Variants in NWD2 observed in about 807,000 individuals in gnomAD.
NWD2 encodes the protein NACHT and WD repeat domain containing 2, also known as NACHT and WD repeat domain-containing protein 2.
In NWD2, 37 loss-of-function variants were observed where a neutral mutation model predicts 132.7. The observed-to-expected ratio is 0.28, with a 90% CI of 0.21 to 0.37. NWD2 has a LOEUF of 0.37. Among genes scored for constraint, NWD2 ranks in the 10% least tolerant of loss-of-function variants. NWD2 has a pLI of 1.00. For synonymous variants in NWD2, 705 were observed against 803.0 expected, an observed-to-expected ratio of 0.88 and a Z score of 2.06; for missense variants, 1,592 against 2,122.4, an observed-to-expected ratio of 0.75 and a Z score of 4.91.
intron 3 of NWD2, among the ~76,000 whole-genome samples, chr4:37,393,201 G>GGT (rs1408997837): frequency 6.6e-6 from 1 of 150,826 alleles, no homozygotes; most frequent in Non-Finnish European, 1.5e-5. Context: ...GGGGTTGGGG[G>GGT]GAGACTCTGA....
In NWD2 at chr4:37,447,118, G is replaced by C; in HGVS notation, c.5130G>C (p.Glu1710Asp). The change falls in exon 7 of 7, where the codon GAG becomes GAC. Residue 1710 changes from glutamate (E) to aspartate (D), a missense_variant. This residue lies in a region of NWD2 where 257 missense variants were observed against 335.0 expected (regional missense o/e 0.77). Coordinates refer to ENST00000309447, the MANE Select transcript of NWD2 (RefSeq NM_001144990.2). ...DSPITVSDST[E>D]SNEATPSKKH... ...CCATCACAGTTAGTGACTCTACTGA[G>C]TCCAATGAAGCAACACCCTCCAAGA... 2 of 1,551,552 alleles carry C rather than the reference G, an allele frequency of 1.3e-6. No homozygotes were observed. Among genetic ancestry groups the C allele is most frequent in the Non-Finnish European group, 1.7e-6 (2 of 1,147,006 alleles).
intron 1 of NWD2, 51 bp downstream of exon 1, chr4:37,245,269 G>A: frequency 6.7e-7 from 1 of 1,493,662 alleles, no homozygotes; most frequent in Non-Finnish European, 8.9e-7. Flanking sequence ...CGTCAGCGCT[G>A]CGGGAGCTGG....
chr4:37,375,700 T>C (rs1462433823), intron 3 of NWD2, among the ~76,000 whole-genome samples: 1 of 151,950 alleles, frequency 6.6e-6, no homozygotes, highest in African/African-American at 2.4e-5. Flanking sequence ...TCCCGAGTAG[T>C]TAGGACTACA....
chr4:37,414,030 T>A (rs1396684266), intron 3 of NWD2, among the ~76,000 whole-genome samples: 1 of 151,932 alleles, frequency 6.6e-6, no homozygotes, highest in Non-Finnish European at 1.5e-5. Context: ...AGGTGACGGG[T>A]TGATAGGTGC....
At chr4:37,334,025 A>G (rs572685545) in intron 2 of NWD2, among the ~76,000 whole-genome samples, 1 of 152,190 alleles carries the variant, frequency 6.6e-6, no homozygotes, top group South Asian at 2.1e-4. Flanking sequence ...CACAGAGGAG[A>G]AAAAAGAATA....
At chr4:37,276,231 A>C (rs1287470497) in intron 1 of NWD2, among the ~76,000 whole-genome samples, 1 of 152,180 alleles carries the variant, frequency 6.6e-6, no homozygotes, top group African/African-American at 2.4e-5. Context: ...AGAATCTACA[A>C]TGAACTCAAA....
chr4:37,308,440 G>A (rs1718757018), intron 1 of NWD2, among the ~76,000 whole-genome samples: 1 of 152,154 alleles, frequency 6.6e-6, no homozygotes, highest in Non-Finnish European at 1.5e-5. Flanking sequence ...GAGGCCTGGA[G>A]CTACCAGAGA....
chr4:37,256,770 C>G (rs907833932), intron 1 of NWD2, among the ~76,000 whole-genome samples: 1 of 152,122 alleles, frequency 6.6e-6, no homozygotes, highest in Non-Finnish European at 1.5e-5. Context: ...AAAGCTCTCT[C>G]TCTCCTCTAA....
At chr4:37,420,509 C>T (rs1046981690) in intron 3 of NWD2, among the ~76,000 whole-genome samples, 8 of 152,252 alleles carry the variant, frequency 5.3e-5, no homozygotes, top group African/African-American at 1.2e-4. Flanking sequence ...CATGGTGAAA[C>T]CCTGTCTCTA....
rs573659959 is a variant in NWD2, at chr4:37,300,686, A to G, written c.152-25250A>G. 2.0e-5 allele frequency among the ~76,000 whole-genome samples: 3 copies of G among 152,236 alleles called. 1 individual carries two copies. The highest frequency in any genetic ancestry group is 7.2e-5 in the African/African-American group (3 of 41,568). On this transcript the variant is annotated intron_variant, in intron 1 of 6. Transcript: ENST00000309447. ...TATATAAGTTTCTTCAATAGCATGC[A>G]TGGTTGTAACATTAATATCTAGTTG...
chr4:37,391,240 CAT>C (rs1461309440), intron 3 of NWD2, among the ~76,000 whole-genome samples: 3 of 152,170 alleles, frequency 2.0e-5, no homozygotes, highest in Non-Finnish European at 4.4e-5. Flanking sequence ...AATTAAATGA[CAT>C]ATCATACTCA....
chr4:37,299,695 C>G (rs1368576706), intron 1 of NWD2, among the ~76,000 whole-genome samples: 1 of 152,076 alleles, frequency 6.6e-6, no homozygotes, highest in African/African-American at 2.4e-5. Context: ...TGGTGAATTA[C>G]TCTAATGTGG....
intron 2 of NWD2, among the ~76,000 whole-genome samples, chr4:37,354,853 T>A (rs569339508): frequency 6.6e-6 from 1 of 152,330 alleles, no homozygotes; most frequent in South Asian, 2.1e-4. Context: ...TAACAACAGA[T>A]AAGCCATAAA....
intron 1 of NWD2, among the ~76,000 whole-genome samples, chr4:37,266,141 C>A (rs1209014451): frequency 1.3e-5 from 2 of 152,032 alleles, no homozygotes; most frequent in Non-Finnish European, 2.9e-5. Context: ...TCCTTCAAAG[C>A]CAATCTCAAA....
At chr4:37,379,164 T>G (rs1353280343) in intron 3 of NWD2, among the ~76,000 whole-genome samples, 1 of 152,196 alleles carries the variant, frequency 6.6e-6, no homozygotes, top group Non-Finnish European at 1.5e-5. Context: ...ATCCAGTGGT[T>G]TTTATACCTA....
chr4:37,431,911 A>T (rs904979460), intron 4 of NWD2, among the ~76,000 whole-genome samples: 1 of 152,084 alleles, frequency 6.6e-6, no homozygotes, highest in Non-Finnish European at 1.5e-5. Context: ...TTACTTATTA[A>T]TATTGGTATT....
In NWD2 at chr4:37,369,220, G is replaced by A. The variant is rs998290867; in HGVS notation, c.357+12738G>A. Among the ~76,000 whole-genome samples, 12 of 152,138 alleles carry A rather than the reference G, an allele frequency of 7.9e-5. No homozygotes were observed. In the South Asian group the frequency reaches 1.0e-3, roughly 13 times the overall value. ...GTAATTATTTGGTGAAATAAAATATGTATTAATCAGACAGAATGAATAATA... is the reference window on the plus strand; with the variant it reads ...GTAATTATTTGGTGAAATAAAATATATATTAATCAGACAGAATGAATAATA... On this transcript the variant is annotated intron_variant, in intron 3 of 6. Coordinates refer to ENST00000309447, the MANE Select transcript of NWD2 (RefSeq NM_001144990.2).
At chr4:37,321,331 G>A (rs1719063593) in intron 1 of NWD2, among the ~76,000 whole-genome samples, 1 of 152,130 alleles carries the variant, frequency 6.6e-6, no homozygotes, top group Non-Finnish European at 1.5e-5. Context: ...AAGGATAATG[G>A]TATTGATTAT....
At chr4:37,274,108 CAA>C in intron 1 of NWD2, among the ~76,000 whole-genome samples, 1 of 151,936 alleles carries the variant, frequency 6.6e-6, no homozygotes, top group African/African-American at 2.4e-5. Context: ...GATAGAGACA[CAA>C]AAAACCCTTC....
Sources: gnomAD v4.1 joint callset for allele counts (sites outside exome capture counted in the v4.1 genomes callset) on GRCh38, gnomAD v4.1.1 for gene constraint, gnomAD v4.1.1 regional missense constraint, MANE v1.5 for transcripts, NCBI Gene and HGNC (gene_info 2026-07-23, HGNC 2026-07-21) for gene names.